GPHN: variants seen among roughly 807,000 people sequenced by gnomAD.
GPHN encodes the protein gephyrin.
A neutral mutation model predicts 95.5 loss-of-function variants in GPHN; 17 were observed. The observed-to-expected ratio is 0.18, with a 90% CI of 0.12 to 0.27. GPHN has a LOEUF of 0.27. Among genes scored for constraint, GPHN ranks in the 10% least tolerant of loss-of-function variants. GPHN has a pLI of 1.00. For missense variants in GPHN, 660 were observed against 978.1 expected (o/e 0.67, Z 4.34); for synonymous variants, 320 against 322.5 (o/e 0.99, Z 0.08).
the GPHN span, among the ~76,000 whole-genome samples, chr14:67,550,156 G>C: frequency 1.4e-5 from 1 of 69,264 alleles, no homozygotes; most frequent in Non-Finnish European, 3.4e-5. Flanking sequence ...AAGATCTGTT[G>C]CTAAAAAAAA....
At chr14:66,728,257 A>G (rs1359938840) in intron 2 of GPHN, among the ~76,000 whole-genome samples, 1 of 152,098 alleles carries the variant, frequency 6.6e-6, no homozygotes, top group Non-Finnish European at 1.5e-5. Flanking sequence ...TGGGGCTCTC[A>G]TGGAGAATCT....
intron 2 of GPHN, among the ~76,000 whole-genome samples, chr14:66,687,473 TTTATTTTATTTGG>T (rs2067454162): frequency 1.3e-5 from 2 of 151,562 alleles, no homozygotes; most frequent in Non-Finnish European, 2.9e-5. Context: ...CTTCTTTTTC[TTTATTTTATTTGG>T]TTTTTTTTTT....
chr14:67,110,031 A>C (rs924099318), intron 13 of GPHN, 109 bp from the exon 14 acceptor site: 3 of 959,604 alleles, frequency 3.1e-6, no homozygotes, highest in Non-Finnish European at 4.9e-6. Context: ...AGACTGTAAG[A>C]CTTTCTTTTA....
the GPHN span, chr14:67,583,792 T>A: frequency 5.6e-6 from 9 of 1,612,514 alleles, no homozygotes; most frequent in East Asian, 2.0e-4. Context: ...TGGAGGCACA[T>A]CCCCTGCCAA....
chr14:66,718,508 C>T (rs1418519529), intron 2 of GPHN, among the ~76,000 whole-genome samples: 1 of 152,166 alleles, frequency 6.6e-6, no homozygotes, highest in Admixed American at 6.5e-5. Flanking sequence ...GCTTCCACAG[C>T]GTGGAAGGGG....
At chr14:67,101,927 A>T (rs953464983) in intron 13 of GPHN, among the ~76,000 whole-genome samples, 2 of 151,858 alleles carry the variant, frequency 1.3e-5, no homozygotes, top group Non-Finnish European at 2.9e-5. Context: ...GCTGGAGTGC[A>T]GTGGCGCGAT....
the GPHN span, among the ~76,000 whole-genome samples, chr14:67,286,363 GTCTTC>G: frequency 1.3e-5 from 2 of 152,092 alleles, no homozygotes; most frequent in African/African-American, 2.4e-5. Context: ...TCTGTCCTCT[GTCTTC>G]TCTTTGTTGT....
intron 1 of GPHN, among the ~76,000 whole-genome samples, chr14:66,629,980 T>C (rs67538915): frequency 0.31 from 47,207 of 152,058 alleles, 11,173 homozygotes; most frequent in African/African-American, 0.63. Flanking sequence ...TCCTGGATGT[T>C]AACCGTAACA....
At chr14:66,664,181 TCTC>T (rs1189704574) in intron 1 of GPHN, among the ~76,000 whole-genome samples, 1 of 152,172 alleles carries the variant, frequency 6.6e-6, no homozygotes, top group Non-Finnish European at 1.5e-5. Context: ...TATACATTCT[TCTC>T]ATCACCATGT....
intron 2 of GPHN, among the ~76,000 whole-genome samples, chr14:66,724,901 T>C (rs902387318): frequency 3.9e-5 from 6 of 152,144 alleles, no homozygotes; most frequent in Non-Finnish European, 8.8e-5. Flanking sequence ...TAAAATAATA[T>C]CAGGGTACCT....
intron 11 of GPHN, among the ~76,000 whole-genome samples, chr14:67,063,864 A>G (rs966744258): frequency 6.6e-6 from 1 of 152,232 alleles, no homozygotes; most frequent in Non-Finnish European, 1.5e-5. Flanking sequence ...ATAGACAATC[A>G]TGTCATCTGC....
chr14:67,430,686 G>A, the GPHN span, among the ~76,000 whole-genome samples: 3 of 152,092 alleles, frequency 2.0e-5, no homozygotes, highest in Non-Finnish European at 4.4e-5. Context: ...GTGAGTGACC[G>A]GTGCAATATC....
intron 3 of GPHN, among the ~76,000 whole-genome samples, chr14:66,806,012 TC>T (rs2060526573): frequency 6.6e-6 from 1 of 152,120 alleles, no homozygotes; most frequent in Non-Finnish European, 1.5e-5. Context: ...CTGCATGAGG[TC>T]CCCACCCCTA....
intron 2 of GPHN, among the ~76,000 whole-genome samples, chr14:66,731,327 G>A (rs2071749633): frequency 6.6e-6 from 1 of 152,212 alleles, no homozygotes; most frequent in Non-Finnish European, 1.5e-5. Flanking sequence ...GGGCTCAAAA[G>A]AAGACAGGAA....
intron 4 of GPHN, among the ~76,000 whole-genome samples, chr14:66,833,303 A>G (rs1244660498): frequency 2.6e-5 from 4 of 152,180 alleles, no homozygotes; most frequent in Non-Finnish European, 5.9e-5. Flanking sequence ...TTATAAAAAC[A>G]TCAGATCTCA....
chr14:67,328,961 G>C, the GPHN span, among the ~76,000 whole-genome samples: 20 of 152,200 alleles, frequency 1.3e-4, no homozygotes, highest in African/African-American at 4.3e-4. Flanking sequence ...GGCAATGCAG[G>C]CTCTTTTTTG....
the GPHN span, among the ~76,000 whole-genome samples, chr14:67,600,480 T>C: frequency 6.6e-6 from 1 of 151,806 alleles, no homozygotes; most frequent in African/African-American, 2.4e-5. Context: ...CTCAGGCCTG[T>C]AGTCCAGCAC....
intron 10 of GPHN, among the ~76,000 whole-genome samples, chr14:67,047,380 T>TTTTTC (rs1567253842): frequency 7.0e-6 from 1 of 143,196 alleles, no homozygotes; most frequent in Non-Finnish European, 1.5e-5. Flanking sequence ...TTTTTTTTTT[T>TTTTTC]TTTGAGACAG....
At chr14:67,002,245 T>C (rs1219282027) in intron 9 of GPHN, among the ~76,000 whole-genome samples, 1 of 151,110 alleles carries the variant, frequency 6.6e-6, no homozygotes, top group Non-Finnish European at 1.5e-5. Context: ...GCTCAGTACT[T>C]CTTGAAGTCA....
Sources: allele counts gnomAD v4.1 joint callset (sites outside exome capture counted in the v4.1 genomes callset), GRCh38; gene constraint gnomAD v4.1.1; transcripts MANE v1.5; gene names NCBI Gene and HGNC (gene_info 2026-07-23, HGNC 2026-07-21).